The following UBE4B variants were observed in gnomAD, a reference collection of about 807,000 sequenced individuals.
UBE4B encodes the protein ubiquitin conjugation factor E4 B.
UBE4B carries 27 observed loss-of-function variants against 148.1 expected under a neutral mutation model. The observed-to-expected ratio is 0.18, with a 90% confidence interval of 0.13 to 0.25. The LOEUF (loss-of-function observed/expected upper bound fraction) is 0.25, where lower values mean the gene tolerates loss of function less well. UBE4B is among the 10% of genes least tolerant of loss of function. UBE4B has a pLI of 1.00. For synonymous variants in UBE4B, 596 were observed against 619.3 expected (o/e 0.96, Z 0.56); for missense variants, 1,170 against 1,662.4 (o/e 0.70, Z 5.15).
intron 23 of UBE4B, among the ~76,000 whole-genome samples, chr1:10,167,167 CG>C (rs528281763): frequency 8.3e-4 from 126 of 151,700 alleles, no homozygotes; most frequent in African/African-American, 2.9e-3. Context: ...GGGCCGGGCA[CG>C]GTGGCTTACG....
At chr1:10,109,329 C>T (rs1645177010) in intron 7 of UBE4B, among the ~76,000 whole-genome samples, 1 of 152,132 alleles carries the variant, frequency 6.6e-6, no homozygotes, top group South Asian at 2.1e-4. Flanking sequence ...CATTTCTGCC[C>T]AAATAGGTCT....
At chr1:10,079,857 T>C (rs772428551) in intron 2 of UBE4B, among the ~76,000 whole-genome samples, 37 of 152,230 alleles carry the variant, frequency 2.4e-4, no homozygotes, top group Non-Finnish European at 2.5e-4. Context: ...ACTCAAATGG[T>C]CTTCATCCTG....
At chr1:10,164,312 C>T (rs140659705) in intron 23 of UBE4B, among the ~76,000 whole-genome samples, 171 of 151,988 alleles carry the variant, frequency 1.1e-3, no homozygotes, top group Non-Finnish European at 1.9e-3. Context: ...CTACATTTCA[C>T]ATTTCAGCCT....
At chr1:10,086,494 G>A (rs540440630) in intron 2 of UBE4B, among the ~76,000 whole-genome samples, 8 of 152,220 alleles carry the variant, frequency 5.3e-5, no homozygotes, top group East Asian at 3.9e-4. Context: ...TCAAAATCCC[G>A]TTATATGCAT....
At chr1:10,056,318 G>A (rs1644167496) in intron 1 of UBE4B, among the ~76,000 whole-genome samples, 1 of 152,310 alleles carries the variant, frequency 6.6e-6, no homozygotes, top group Non-Finnish European at 1.5e-5. Context: ...AGCCTAAGAG[G>A]AAGATTAAAA....
At chr1:10,155,228 T>C (rs1353158512) in intron 21 of UBE4B, among the ~76,000 whole-genome samples, 2 of 152,126 alleles carry the variant, frequency 1.3e-5, no homozygotes, top group African/African-American at 4.8e-5. Context: ...TGTTCTCTCT[T>C]TCCTCTTTGC....
intron 7 of UBE4B, among the ~76,000 whole-genome samples, chr1:10,110,393 ACC>A (rs1471502801): frequency 1.3e-5 from 2 of 152,214 alleles, no homozygotes; most frequent in Non-Finnish European, 2.9e-5. Flanking sequence ...AGTGAGAATT[ACC>A]GTGTGTGAAA....
chr1:10,049,390 A>G (rs894573185), intron 1 of UBE4B, among the ~76,000 whole-genome samples: 7 of 151,956 alleles, frequency 4.6e-5, no homozygotes, highest in African/African-American at 1.7e-4. Flanking sequence ...CTGATGGGGA[A>G]TGTAGGGAGG....
chr1:10,151,499 T>C lies in UBE4B; in HGVS notation c.2864T>C (p.Met955Thr). 6.2e-7 allele frequency: 1 copy of C among 1,614,138 alleles called. No homozygotes were observed. Among genetic ancestry groups the C allele is most frequent in the Non-Finnish European group, 8.5e-7 (1 of 1,180,030 alleles). ...VQPRTQKFFE[M>T]IENHPLSTKL... is the part of the protein sequence containing the mutation. ...CCACGAACCCAGAAGTTTTTTGAAA[T>C]GATTGAGAACCATCCTCTCTCCACC... Residue 955 changes from methionine (M) to threonine (T), a missense_variant, in exon 21 of 28, where the codon ATG becomes ACG. Coordinates refer to ENST00000343090, the MANE Select transcript of UBE4B (RefSeq NM_001105562.3).
intron 4 of UBE4B, among the ~76,000 whole-genome samples, chr1:10,101,498 C>CTTTTTTT (rs34066776): frequency 4.3e-4 from 24 of 56,184 alleles, no homozygotes; most frequent in Non-Finnish European, 6.2e-4. Flanking sequence ...TGGTCTTTTG[C>CTTTTTTT]TTTTTTTTTT....
intron 1 of UBE4B, among the ~76,000 whole-genome samples, chr1:10,064,207 C>T (rs1644342238): frequency 6.6e-6 from 1 of 152,160 alleles, no homozygotes; most frequent in African/African-American, 2.4e-5. Flanking sequence ...GAAAAAGAAA[C>T]TTAAGTCAAG....
intron 2 of UBE4B, among the ~76,000 whole-genome samples, chr1:10,075,678 G>A (rs1225477122): frequency 6.6e-6 from 1 of 152,094 alleles, no homozygotes; most frequent in Non-Finnish European, 1.5e-5. Context: ...TACTTTGGTG[G>A]GTTGAATAAA....
Position 10,110,817 on chromosome 1 carries a change from G to A in UBE4B, c.1196+4234G>A, listed in dbSNP as rs72861452. Among the ~76,000 whole-genome samples the A allele has an allele frequency of 7.4e-3, 1,127 of 152,072 alleles. 21 individuals are homozygous for A. The highest frequency in any genetic ancestry group is 0.026 in the African/African-American group (1,081 of 41,474). On this transcript the variant is annotated intron_variant, in intron 7 of 27. Transcript: ENST00000343090. ...TTGCTGATTGTCACTGCTTGGGGTT[G>A]AAACATAGAAACAGTGGAAAAGAAA...
At chr1:10,105,851 G>GACACT in intron 6 of UBE4B, 107 bp downstream of exon 6, 16 of 1,131,472 alleles carry the variant, frequency 1.4e-5, no homozygotes, top group Non-Finnish European at 2.0e-5. Flanking sequence ...TACAGGGTAT[G>GACACT]GCATATATCA....
At chr1:10,142,820 A>G (rs918755656) in intron 17 of UBE4B, among the ~76,000 whole-genome samples, 2 of 151,896 alleles carry the variant, frequency 1.3e-5, no homozygotes, top group Non-Finnish European at 2.9e-5. Context: ...CCAGCAACAT[A>G]GTATCTTTAG....
intron 22 of UBE4B, 94 bp downstream of exon 22, chr1:10,158,576 CTGTT>C (rs1646110608): frequency 2.0e-6 from 3 of 1,496,252 alleles, no homozygotes; most frequent in South Asian, 2.6e-5. Flanking sequence ...TTCTTGTTGA[CTGTT>C]TGCTTGGTCT....
intron 15 of UBE4B, among the ~76,000 whole-genome samples, chr1:10,134,664 G>A (rs1386460080): frequency 6.6e-6 from 1 of 152,140 alleles, no homozygotes; most frequent in Non-Finnish European, 1.5e-5. Context: ...ATTGACTTTA[G>A]GATACAGTTA....
chr1:10,041,323 C>CT (rs1643752170), intron 1 of UBE4B, among the ~76,000 whole-genome samples: 1 of 150,290 alleles, frequency 6.7e-6, no homozygotes, highest in East Asian at 1.9e-4. Flanking sequence ...CAACTGTAAC[C>CT]TTTTTGGCAT....
chr1:10,038,206 G>A (rs906119894), intron 1 of UBE4B, among the ~76,000 whole-genome samples: 1 of 149,794 alleles, frequency 6.7e-6, no homozygotes, highest in Non-Finnish European at 1.5e-5. Flanking sequence ...CTTGAACCCG[G>A]GAGGCGGAGG....
Sources: gnomAD v4.1 joint callset for allele counts (sites outside exome capture counted in the v4.1 genomes callset) on GRCh38, gnomAD v4.1.1 for gene constraint, MANE v1.5 for transcripts, NCBI Gene and HGNC (gene_info 2026-07-23, HGNC 2026-07-21) for gene names.